CFAP99: variants seen among roughly 807,000 people sequenced by gnomAD.
CFAP99 encodes cilia and flagella associated protein 99.
Under a neutral mutation model 82.7 loss-of-function variants are expected in CFAP99, and 84 were observed. The observed-to-expected ratio is 1.02, with a 90% confidence interval of 0.85 to 1.22. The LOEUF (loss-of-function observed/expected upper bound fraction) is 1.22, where lower values mean the gene tolerates loss of function less well. Among genes scored for constraint, CFAP99 ranks in the 50% most tolerant of loss-of-function variants. CFAP99 has a pLI of 0.00. For synonymous variants in CFAP99, 456 were observed against 429.5 expected, an observed-to-expected ratio of 1.06 and a Z score of -0.76; for missense variants, 1,059 against 983.5, an observed-to-expected ratio of 1.08 and a Z score of -1.03.
chr4:2,441,199 C>T (rs967748393), intron 4 of CFAP99, among the ~76,000 whole-genome samples: 25 of 151,548 alleles, frequency 1.6e-4, no homozygotes, highest in African/African-American at 5.1e-4. Context: ...GGTGAAACCC[C>T]GTCTCTATTA....
At chr4:2,457,089 ACCACAGGCAGGAG>A (rs1734454060) in intron 11 of CFAP99, among the ~76,000 whole-genome samples, 1 of 151,544 alleles carries the variant, frequency 6.6e-6, no homozygotes, top group Non-Finnish European at 1.5e-5. Context: ...AGTAGCTGGG[ACCACAGGCAGGAG>A]CCACCGGGCC....
chr4:2,420,108 TCTC>T (rs1271934685), intron 1 of CFAP99, among the ~76,000 whole-genome samples: 2 of 151,422 alleles, frequency 1.3e-5, no homozygotes, highest in Non-Finnish European at 2.9e-5. Context: ...ACTGTCCACT[TCTC>T]CTCCTCGCTC....
chr4:2,454,581 C>CTTTTTTTTTTTGTTTTTTTTTTTTTTTT (rs1734378524), intron 11 of CFAP99, among the ~76,000 whole-genome samples: 3 of 94,718 alleles, frequency 3.2e-5, no homozygotes, highest in East Asian at 2.7e-4. Context: ...TGTTTTTTTT[C>CTTTTTTTTTTTGTTTTTTTTTTTTTTTT]TTTTTTTTTT....
At chr4:2,425,104 A>G (rs184165050) in intron 1 of CFAP99, among the ~76,000 whole-genome samples, 1 of 151,890 alleles carries the variant, frequency 6.6e-6, no homozygotes, top group East Asian at 1.9e-4. Context: ...CTGTCATCGT[A>G]TTTTGGTTTT....
In CFAP99 at chr4:2,462,767, T is replaced by C; in HGVS notation, c.1986T>C (p.Gly662=). Residue 662 remains glycine (G), a synonymous_variant, in exon 15 of 15, where the codon GGT becomes GGC. Transcript: ENST00000635017. This position sits in a 1 kb window ranked among gnomAD's most constrained non-coding sequence, Gnocchi z 4.1. ...ACGCAGCGGCGGGCGCGGGAGGCGG[T>C]GGGGGCGTCCCTGCCCGCGCCGACG... The C allele has an allele frequency of 8.0e-7, 1 of 1,253,490 alleles. No homozygotes were observed. Among genetic ancestry groups the C allele is most frequent in the Non-Finnish European group, 1.0e-6 (1 of 997,126 alleles). 77.6% of individuals were successfully genotyped at this position (1,253,490 alleles called of 1,614,324 possible).
At chr4:2,431,375 A>AG in intron 2 of CFAP99, among the ~76,000 whole-genome samples, 1 of 151,982 alleles carries the variant, frequency 6.6e-6, no homozygotes, top group South Asian at 2.1e-4. Context: ...TCTCAAAAAA[A>AG]AAAAAGTTGA....
rs755758401 is a variant in CFAP99, at chr4:2,449,684, C to G, written c.657C>G (p.Thr219=). The G allele has an allele frequency of 3.9e-6, 6 of 1,536,016 alleles. No individual in the cohort carries two copies. The East Asian group carries it at 1.2e-4, about 31-fold the overall frequency. ...CACTTCAGCAGGTCCCCCAGAGCACCTACCAGCCACCCAAGGAGCAGCAGC... is the reference window on the plus strand; with the variant it reads ...CACTTCAGCAGGTCCCCCAGAGCACGTACCAGCCACCCAAGGAGCAGCAGC... The change falls in exon 7 of 15, where the codon ACC becomes ACG. Residue 219 remains threonine (T), a synonymous_variant. Transcript: ENST00000635017.
At chr4:2,419,605 C>T (rs1733501988) in intron 1 of CFAP99, among the ~76,000 whole-genome samples, 1 of 152,136 alleles carries the variant, frequency 6.6e-6, no homozygotes, top group Non-Finnish European at 1.5e-5. Flanking sequence ...GGAAGTCATG[C>T]CCCCCTCGGT....
chr4:2,451,026 G>A lies in CFAP99; in HGVS notation c.867+8G>A. Reference sequence around the variant, plus strand: ...AAGCTGACCTTCTATAGGGTGAGGGGTGCTCCTGGATGGTCAGGCTGCTCT... The same window carrying A: ...AAGCTGACCTTCTATAGGGTGAGGGATGCTCCTGGATGGTCAGGCTGCTCT... On this transcript the variant is annotated splice_region_variant and intron_variant, in intron 9 of 14. Coordinates refer to ENST00000635017, the Ensembl canonical transcript of CFAP99. The A allele has an allele frequency of 6.5e-7, 1 of 1,535,474 alleles. No homozygotes were observed. The highest frequency in any genetic ancestry group is 1.7e-4 in the Middle Eastern group (1 of 5,986).
intron 4 of CFAP99, among the ~76,000 whole-genome samples, chr4:2,440,146 A>ATTTTTTTTTTTTTT (rs1560382287): frequency 3.1e-5 from 3 of 95,870 alleles, no homozygotes; most frequent in African/African-American, 1.5e-4. Context: ...CCAGCTTGAC[A>ATTTTTTTTTTTTTT]TTCTTTTTTT....
intron 11 of CFAP99, among the ~76,000 whole-genome samples, chr4:2,453,859 G>A (rs910303311): frequency 2.8e-4 from 43 of 151,216 alleles, no homozygotes; most frequent in Non-Finnish European, 5.6e-4. Flanking sequence ...TGTCGCCCAG[G>A]CTGGAGTGCG....
chr4:2,428,352 C>T (rs993986641), intron 2 of CFAP99: 1 of 152,540 alleles, frequency 6.6e-6, no homozygotes, highest in Non-Finnish European at 1.5e-5. Flanking sequence ...CAGGATCTTT[C>T]CCGTCAGCCA....
chr4:2,456,383 T>C (rs1734434651), intron 11 of CFAP99, among the ~76,000 whole-genome samples: 1 of 151,864 alleles, frequency 6.6e-6, no homozygotes, highest in Non-Finnish European at 1.5e-5. Flanking sequence ...AAAGGATATA[T>C]TTTAAAATTA....
At chr4:2,425,557 G>A (rs559744029) in intron 1 of CFAP99, among the ~76,000 whole-genome samples, 1 of 152,260 alleles carries the variant, frequency 6.6e-6, no homozygotes, top group South Asian at 2.1e-4. Context: ...GGCCCTTCAA[G>A]CCCAGCCTGG....
intron 6 of CFAP99, 86 bp from the exon 7 acceptor site, chr4:2,449,584 C>A: frequency 1.6e-6 from 2 of 1,229,122 alleles, no homozygotes; most frequent in South Asian, 1.3e-5. Context: ...TCACCCACAT[C>A]CACCAAGCTG....
At chr4:2,439,408 G>C (rs1044656552) in intron 4 of CFAP99, among the ~76,000 whole-genome samples, 2 of 152,100 alleles carry the variant, frequency 1.3e-5, no homozygotes, top group African/African-American at 4.8e-5. Flanking sequence ...CCAGATCTTC[G>C]AGGTCTCTCT....
intron 2 of CFAP99, among the ~76,000 whole-genome samples, chr4:2,432,169 C>T (rs1733813499): frequency 6.6e-6 from 1 of 152,172 alleles, no homozygotes; most frequent in Non-Finnish European, 1.5e-5. Flanking sequence ...GTACTGTTGC[C>T]TCATAGTCAC....
exon 5 of CFAP99, chr4:2,443,237 G>C: frequency 6.5e-7 from 1 of 1,531,934 alleles, no homozygotes; most frequent in Non-Finnish European, 8.7e-7. Flanking sequence ...TCGACCCCCT[G>C]ATGAGGTAGG....
chr4:2,458,552 A>G (rs529326502), intron 11 of CFAP99, among the ~76,000 whole-genome samples, 171 bp from the exon 12 acceptor site: 1 of 152,292 alleles, frequency 6.6e-6, no homozygotes, highest in South Asian at 2.1e-4. Context: ...CGCAGGCCCA[A>G]CTTCCAGAGC....
Sources: gnomAD v4.1 joint callset for allele counts (sites outside exome capture counted in the v4.1 genomes callset) on GRCh38, gnomAD v4.1.1 for gene constraint, Gnocchi (gnomAD v3.1) non-coding constraint, MANE v1.5 for transcripts, NCBI Gene and HGNC (gene_info 2026-07-23, HGNC 2026-07-21) for gene names.